FN1: variants seen among roughly 807,000 people sequenced by gnomAD.
FN1 encodes fibronectin 1, also known as fibronectin.
Under a neutral mutation model 297.3 loss-of-function variants are expected in FN1, and 106 were observed. That is an observed-to-expected ratio of 0.36 (90% CI 0.30 to 0.42). The LOEUF (loss-of-function observed/expected upper bound fraction) is 0.42. Among genes scored for constraint, FN1 ranks in the 10% least tolerant of loss-of-function variants. The pLI, the probability that FN1 is intolerant of heterozygous loss-of-function variation, is 1.00. For missense variants in FN1, 2,690 were observed against 3,124.9 expected (o/e 0.86, Z 3.32); for synonymous variants, 1,149 against 1,152.6 (o/e 1.00, Z 0.06).
intron 16 of FN1, 46 bp from the exon 17 acceptor site, chr2:215,408,243 C>A: frequency 1.2e-6 from 2 of 1,613,576 alleles, no homozygotes; most frequent in Non-Finnish European, 1.7e-6. Flanking sequence ...AGTGCTACTA[C>A]AGGCCTGTGT....
chr2:215,391,682 T>A lies in FN1; in HGVS notation c.4202A>T (p.Asp1401Val). The A allele has an allele frequency of 3.7e-6, 6 of 1,614,150 alleles. No individual in the cohort carries two copies. The highest frequency in any genetic ancestry group is 1.1e-5 in the South Asian group (1 of 91,084). Residue 1401 changes from aspartate (D) to valine (V), a missense_variant, in exon 26 of 46, where the codon GAT becomes GTT. Asp to Val is a radical substitution (Grantham distance 152). This residue lies in a region of FN1 where 1,743 missense variants were observed against 1,945.2 expected (regional missense o/e 0.90). Coordinates refer to ENST00000354785, the MANE Select transcript of FN1 (RefSeq NM_212482.4). The stretch of plus-strand genomic sequence containing the variant: ...AGGAGAAATTGACAACTCTGCAACA[T>A]CTTCCTCATTTTTCACAGGTGAGTA... ...VRYSPVKNEE[D>V]VAELSISPSD...
intron 17 of FN1, among the ~76,000 whole-genome samples, chr2:215,407,636 G>A (rs1426680323): frequency 6.6e-6 from 1 of 152,172 alleles, no homozygotes; most frequent in African/African-American, 2.4e-5. Context: ...TCCTCTTTGA[G>A]CTCCAGACGA....
intron 6 of FN1, among the ~76,000 whole-genome samples, chr2:215,427,042 A>G (rs2065580116): frequency 6.6e-6 from 1 of 151,692 alleles, no homozygotes; most frequent in South Asian, 2.1e-4. Context: ...CGCCTGGTTA[A>G]TTTTTTGTAT....
chr2:215,361,492 C>T lies in FN1; in HGVS notation c.*63G>A. 1 of 1,161,616 alleles carries T rather than the reference C, an allele frequency of 8.6e-7. No individual in the cohort carries two copies. The highest frequency in any genetic ancestry group is 1.3e-6 in the Non-Finnish European group (1 of 766,212). 72.0% of individuals were successfully genotyped at this position (1,161,616 alleles called of 1,614,324 possible). A position where few individuals can be genotyped will look rare whatever the true frequency, so the allele number is the denominator to read the frequency against. ...AACTCTAAGCTGGGTCTGCTAACAT[C>T]ACTCCAGTTTAGATGGATCTTGGCA... On this transcript the variant is annotated 3_prime_UTR_variant, in exon 46 of 46. Transcript: ENST00000354785.
intron 13 of FN1, among the ~76,000 whole-genome samples, chr2:215,411,858 G>A (rs531354940): frequency 5.9e-5 from 9 of 151,926 alleles, no homozygotes; most frequent in African/African-American, 2.2e-4. Context: ...TAATAGAGAC[G>A]GGGTTTCACC....
chr2:215,414,969 A>G lies in FN1; in HGVS notation c.1820-11T>C. The G allele has an allele frequency of 6.2e-7, 1 of 1,609,736 alleles. No individual in the cohort carries two copies. Among genetic ancestry groups the G allele is most frequent in the Non-Finnish European group, 8.5e-7 (1 of 1,176,144 alleles). On this transcript the variant is annotated splice_polypyrimidine_tract_variant and intron_variant, in intron 12 of 45. Transcript: ENST00000354785. Reference sequence around the variant, plus strand: ...CAGGACCACTTGAGCCTGAAAATGAAAATGTAGCATTTAATTATCTTGAAT... The same window carrying G: ...CAGGACCACTTGAGCCTGAAAATGAGAATGTAGCATTTAATTATCTTGAAT...
rs1350544359 is a variant in FN1, at chr2:215,404,573, C to G, written c.3069G>C (p.Gln1023His). ...VLVRWTPPRA[Q>H]ITGYRLTVGL... ...CCACGGTCAGTCGGTATCCTGTTAT[C>G]TGGGCCCGAGGTGGAGTCCATCTCA... The change falls in exon 20 of 46, where the codon CAG becomes CAC. Residue 1023 changes from glutamine (Q) to histidine (H), a missense_variant. Coordinates refer to ENST00000354785, the MANE Select transcript of FN1 (RefSeq NM_212482.4). 1.2e-6 allele frequency: 2 copies of G among 1,614,008 alleles called. No homozygotes were observed. The highest frequency in any genetic ancestry group is 2.2e-5 in the East Asian group (1 of 44,896).
In FN1 at chr2:215,380,850, CA is replaced by C; in HGVS notation, c.5394del (p.Asp1798GlufsTer8). 1 of 1,613,886 alleles carries C rather than the reference CA, an allele frequency of 6.2e-7. No homozygotes were observed. Among genetic ancestry groups the C allele is most frequent in the Non-Finnish European group, 8.5e-7 (1 of 1,180,006 alleles). ...CCAATCAGGGGCTGGCTCTCCATATCATCGTGCAAGGCAACCACACTGACTG... is the reference window on the plus strand; with the variant it reads ...CCAATCAGGGGCTGGCTCTCCATATCTCGTGCAAGGCAACCACACTGACTG... ...EYTVSVVALH[D>X]DMESQPLIGT... On this transcript the variant is annotated frameshift_variant, in exon 33 of 46. Transcript: ENST00000354785. LOFTEE classifies it high-confidence loss of function.
At chr2:215,414,730 G>A in intron 13 of FN1, 107 bp downstream of exon 13, 1 of 1,547,536 alleles carries the variant, frequency 6.5e-7, no homozygotes, top group Non-Finnish European at 8.8e-7. Context: ...AATGCTATAG[G>A]AATAGTTAAT....
chr2:215,424,873 T>C (rs2065060617), intron 7 of FN1, among the ~76,000 whole-genome samples: 1 of 152,124 alleles, frequency 6.6e-6, no homozygotes, highest in African/African-American at 2.4e-5. Flanking sequence ...GACAGATAAA[T>C]ACAATAAAAT....
intron 15 of FN1, 138 bp downstream of exon 15, chr2:215,409,425 C>T (rs2062249515): frequency 1.2e-6 from 1 of 819,946 alleles, no homozygotes; most frequent in Admixed American, 1.9e-5. Context: ...TTCCTCATGC[C>T]AGAGGGTGGT....
chr2:215,386,743 C>T lies in FN1; in HGVS notation c.4558G>A (p.Val1520Ile), dbSNP rs201469351. ...CTTTCCTCTCTGCCATTAAGAGCAACGATGCTGACCACATACTCTGTGCCT... is the reference window on the plus strand; with the variant it reads ...CTTTCCTCTCTGCCATTAAGAGCAATGATGCTGACCACATACTCTGTGCCT... ...TPGTEYVVSI[V>I]ALNGREESPL... The change falls in exon 28 of 46, where the codon GTT (valine) becomes ATT (isoleucine). Residue 1520 changes from valine (V) to isoleucine (I), a missense_variant. Physicochemically the swap from Val to Ile is conservative, Grantham distance 29. This residue lies in a region of FN1 where 1,743 missense variants were observed against 1,945.2 expected (regional missense o/e 0.90). Transcript: ENST00000354785. 1.5e-5 allele frequency: 24 copies of T among 1,613,912 alleles called. No individual in the cohort carries two copies. The highest frequency in any genetic ancestry group is 3.3e-5 in the Admixed American group (2 of 60,014).
At chr2:215,424,651 A>G (rs776741505) in intron 7 of FN1, among the ~76,000 whole-genome samples, 16 of 152,316 alleles carry the variant, frequency 1.1e-4, no homozygotes, top group Admixed American at 7.2e-4. Flanking sequence ...ATTTATGACT[A>G]TATCTATGCC....
chr2:215,424,960 C>A (rs2065075899), intron 7 of FN1, 134 bp downstream of exon 7: 2 of 835,684 alleles, frequency 2.4e-6, no homozygotes, highest in South Asian at 2.8e-5. Flanking sequence ...CAAATGCCAA[C>A]CCTAATTGTT....
Position 215,384,060 on chromosome 2 carries a change from G to C in FN1, c.4854C>G (p.Ser1618Arg). Residue 1618 changes from serine (S) to arginine (R), a missense_variant, in exon 30 of 46, where the codon AGC (serine) becomes AGG (arginine). Physicochemically the swap from Ser to Arg is moderately radical, Grantham distance 110. This residue lies in a region of FN1 where 1,743 missense variants were observed against 1,945.2 expected (regional missense o/e 0.90). Transcript: ENST00000354785. ...TGGAAATTGGCTTGCTGCTTGCGGG[G>C]CTGTCTCCACGGCCAGTGACAGCAT... The part of the protein sequence containing the change: ...TVYAVTGRGD[S>R]PASSKPISIN... The C allele has an allele frequency of 6.2e-7, 1 of 1,614,098 alleles. No homozygotes were observed. The highest frequency in any genetic ancestry group is 8.5e-7 in the Non-Finnish European group (1 of 1,180,012).
chr2:215,397,954 C>G, intron 21 of FN1, 106 bp from the exon 22 acceptor site: 2 of 957,868 alleles, frequency 2.1e-6, no homozygotes, highest in South Asian at 1.3e-5. Context: ...TCTTCAGAAA[C>G]TGCACAGTGT....
At position 215,372,448 on chromosome 2, in the gene FN1, C is replaced by T. The variant is rs903119089; in HGVS notation, c.6248-73G>A. The T allele has an allele frequency of 4.5e-5, 50 of 1,101,608 alleles. No homozygotes were observed. In the African/African-American group the frequency reaches 5.1e-4, roughly 11 times the overall value. The allele number at this position is 1,101,608 out of a possible 1,614,324, so 68.2% of individuals were successfully genotyped here. On this transcript the variant is annotated intron_variant, in intron 39 of 45. Transcript: ENST00000354785. ...AGGAAGTAGCAGCAATGATAATAAT[C>T]GATTCAGGCAACAATGACTGTTCAT...
rs1300462823 is a variant in FN1 at position 215,361,452 on chromosome 2, TAAGA to T, written c.*99_*102del. The T allele has an allele frequency of 7.9e-6, 7 of 881,786 alleles. No individual in the cohort carries two copies. Among genetic ancestry groups the T allele is most frequent in the Admixed American group, 1.7e-5 (1 of 59,018 alleles). The allele number at this position is 881,786 out of a possible 1,614,324, so 54.6% of individuals were successfully genotyped here. ...AGAACTTCCTCCAGAGCAAAGGGCT[TAAGA>T]AAGAAAGAAGAACTCTAAGCTGGGT... On this transcript the variant is annotated 3_prime_UTR_variant, in exon 46 of 46. Transcript: ENST00000354785.
At chr2:215,429,345 G>T (rs1390665388) in intron 5 of FN1, among the ~76,000 whole-genome samples, 1 of 152,170 alleles carries the variant, frequency 6.6e-6, no homozygotes, top group Non-Finnish European at 1.5e-5. Context: ...ATGACCATTA[G>T]TCTATGCGTG....
Sources: allele counts gnomAD v4.1 joint callset (sites outside exome capture counted in the v4.1 genomes callset), GRCh38; gene constraint gnomAD v4.1.1; regional missense constraint gnomAD v4.1.1; transcripts MANE v1.5; gene names NCBI Gene and HGNC (gene_info 2026-07-23, HGNC 2026-07-21).